Variants in GRM7 observed in about 807,000 individuals in gnomAD.
The protein encoded by GRM7 is metabotropic glutamate receptor 7.
Under a neutral mutation model 84.5 loss-of-function variants are expected in GRM7, and 35 were observed. That is an observed-to-expected ratio of 0.41 (90% CI 0.32 to 0.55). The LOEUF (loss-of-function observed/expected upper bound fraction) is 0.55, where lower values mean the gene tolerates loss of function less well. Among genes scored for constraint, GRM7 ranks in the 20% least tolerant of loss-of-function variants. The probability of loss-of-function intolerance (pLI) is 0.19; values close to 1 mark genes in which losing one functional copy is unlikely to be tolerated. For missense variants in GRM7, 1,003 were observed against 1,194.6 expected, an observed-to-expected ratio of 0.84 and a Z score of 2.36; for synonymous variants, 487 against 455.1, an observed-to-expected ratio of 1.07 and a Z score of -0.89.
rs571904956 is a variant in GRM7 at position 7,387,805 on chromosome 3, T to A, written c.1034-27218T>A. ...GGTTTTATATGAATTTTAGGATAGTTTTTTTCCTAATTCTGTGAAAAATGA... is the reference window on the plus strand; with the variant it reads ...GGTTTTATATGAATTTTAGGATAGTATTTTTCCTAATTCTGTGAAAAATGA... On this transcript the variant is annotated intron_variant, in intron 4 of 9. Transcript: ENST00000357716. Among the ~76,000 whole-genome samples the A allele has an allele frequency of 1.8e-4, 27 of 151,900 alleles. No individual in the cohort carries two copies. In the East Asian group the frequency reaches 5.0e-3, roughly 28 times the overall value.
At position 7,156,442 on chromosome 3, in the gene GRM7, G is replaced by A. The variant is rs549781091; in HGVS notation, c.736+9774G>A. ...CCTTAGATGACTGCACTTAGATAGA[G>A]TAATGGCTTTGGGTGGCAACCGGAT... On this transcript the variant is annotated intron_variant, in intron 2 of 9. Transcript: ENST00000357716. Among the ~76,000 whole-genome samples the A allele has an allele frequency of 3.3e-5, 5 of 152,280 alleles. No individual in the cohort carries two copies. In the South Asian group the frequency reaches 1.0e-3, roughly 32 times the overall value.
At chr3:7,732,299 C>T (rs1287299669) in intron 9 of GRM7, among the ~76,000 whole-genome samples, 1 of 152,166 alleles carries the variant, frequency 6.6e-6, no homozygotes, top group Non-Finnish European at 1.5e-5. Context: ...ACATTGCACA[C>T]TTCCCAAGCA....
At chr3:7,160,541 C>G (rs1239902327) in intron 2 of GRM7, among the ~76,000 whole-genome samples, 2 of 152,026 alleles carry the variant, frequency 1.3e-5, no homozygotes, top group African/African-American at 4.8e-5. Flanking sequence ...TTTTTAAGGG[C>G]CTCAGTTTGC....
intron 4 of GRM7, among the ~76,000 whole-genome samples, chr3:7,377,903 G>T (rs1238777327): frequency 6.6e-6 from 1 of 152,138 alleles, no homozygotes; most frequent in Non-Finnish European, 1.5e-5. Flanking sequence ...TTTGCAAAAA[G>T]ATCCCTGATC....
At chr3:7,045,918 A>G (rs1197949388) in intron 1 of GRM7, among the ~76,000 whole-genome samples, 2 of 152,138 alleles carry the variant, frequency 1.3e-5, no homozygotes, top group East Asian at 1.9e-4. Context: ...GCTGGATCAC[A>G]TGATAGTTCT....
At chr3:7,296,666 C>T (rs7640834) in intron 2 of GRM7, among the ~76,000 whole-genome samples, 99,484 of 151,936 alleles carry the variant, frequency 0.65, 33,962 homozygotes, top group African/African-American at 0.86. Flanking sequence ...GTAGAGTTAT[C>T]ACTAATATCC....
intron 2 of GRM7, among the ~76,000 whole-genome samples, chr3:7,214,650 T>C (rs1267292517): frequency 6.6e-6 from 1 of 152,256 alleles, no homozygotes; most frequent in Non-Finnish European, 1.5e-5. Flanking sequence ...GAACAAATGT[T>C]TGTTTTATCT....
intron 1 of GRM7, among the ~76,000 whole-genome samples, chr3:6,934,264 G>A (rs1697608534): frequency 6.6e-6 from 1 of 152,076 alleles, no homozygotes; most frequent in South Asian, 2.1e-4. Context: ...AAGAAAATCT[G>A]TTTACTAGGA....
chr3:6,996,625 A>G (rs1694839090), intron 1 of GRM7, among the ~76,000 whole-genome samples: 1 of 152,112 alleles, frequency 6.6e-6, no homozygotes, highest in Admixed American at 6.6e-5. Context: ...AAATGACCCA[A>G]CTTCTCCCAT....
At position 7,378,011 on chromosome 3, in the gene GRM7, C is replaced by T. The variant is rs143954596; in HGVS notation, c.1034-37012C>T. The stretch of plus-strand genomic sequence containing the variant: ...AATGTAGTCACCAACATCTGTCCCC[C>T]GCTAGGAAGTCTCCCTGACCCCATC... On this transcript the variant is annotated intron_variant, in intron 4 of 9. Coordinates refer to ENST00000357716, the MANE Select transcript of GRM7 (RefSeq NM_000844.4). Among the ~76,000 whole-genome samples the T allele has an allele frequency of 7.0e-3, 1,070 of 152,232 alleles. 7 individuals are homozygous for T. Among genetic ancestry groups the T allele is most frequent in the Non-Finnish European group, 0.011 (727 of 68,020 alleles).
At position 7,476,870 on chromosome 3, in the gene GRM7, G is replaced by A. The variant is rs2124931121; in HGVS notation, c.1515+15148G>A. 1.3e-5 allele frequency among the ~76,000 whole-genome samples: 2 copies of A among 152,270 alleles called. 1 individual carries two copies. The highest frequency in any genetic ancestry group is 4.1e-4 in the South Asian group (2 of 4,830). On this transcript the variant is annotated intron_variant, in intron 7 of 9. Coordinates refer to ENST00000357716, the MANE Select transcript of GRM7 (RefSeq NM_000844.4). ...GTGTCTTGTACACACCATCTGAAATGCAATATTCCACCACCAAACTGAATA... is the reference window on the plus strand; with the variant it reads ...GTGTCTTGTACACACCATCTGAAATACAATATTCCACCACCAAACTGAATA...
intron 1 of GRM7, among the ~76,000 whole-genome samples, chr3:7,033,634 G>A (rs1315383068): frequency 1.3e-5 from 2 of 151,976 alleles, no homozygotes; most frequent in South Asian, 2.1e-4. Context: ...CCTTTTTATG[G>A]TCAAACTAAT....
intron 2 of GRM7, among the ~76,000 whole-genome samples, chr3:7,210,701 C>T (rs537852274): frequency 6.6e-6 from 1 of 152,182 alleles, no homozygotes; most frequent in East Asian, 1.9e-4. Context: ...GCCAAGAAAG[C>T]CTCTGTGACT....
At chr3:7,131,898 C>T (rs1693614317) in intron 1 of GRM7, among the ~76,000 whole-genome samples, 1 of 152,210 alleles carries the variant, frequency 6.6e-6, no homozygotes, top group Admixed American at 6.5e-5. Flanking sequence ...ACATCATTTT[C>T]TCCAGCTGTA....
At chr3:7,222,786 T>A (rs6414459) in intron 2 of GRM7, among the ~76,000 whole-genome samples, 94,242 of 152,128 alleles carry the variant, frequency 0.62, 29,780 homozygotes, top group African/African-American at 0.74. Flanking sequence ...TGTTGGTTTA[T>A]TCTTGAGATT....
At chr3:7,158,213 G>C in intron 2 of GRM7, among the ~76,000 whole-genome samples, 1 of 150,268 alleles carries the variant, frequency 6.7e-6, no homozygotes, top group African/African-American at 2.5e-5. Flanking sequence ...TTACTATTCT[G>C]TCATAAAACA....
At chr3:7,334,767 G>C (rs1047785594) in intron 4 of GRM7, among the ~76,000 whole-genome samples, 1 of 152,026 alleles carries the variant, frequency 6.6e-6, no homozygotes, top group African/African-American at 2.4e-5. Context: ...AGCAGAAGTA[G>C]CTATTCTTAT....
At position 7,134,705 on chromosome 3, in the gene GRM7, G is replaced by C. The variant is rs560824410; in HGVS notation, c.520-11747G>C. Among the ~76,000 whole-genome samples, 34 of 152,148 alleles carry C rather than the reference G, an allele frequency of 2.2e-4. No homozygotes were observed. In the South Asian group the frequency reaches 6.8e-3, roughly 31 times the overall value. On this transcript the variant is annotated intron_variant, in intron 1 of 9. Coordinates refer to ENST00000357716, the MANE Select transcript of GRM7 (RefSeq NM_000844.4). The stretch of plus-strand genomic sequence containing the variant: ...CAGGAATTCAGGGATGAGAAAAGGT[G>C]GTTCCTCAGGCAAATCTGGGAACTG...
chr3:6,956,416 G>T (rs1276093523), intron 1 of GRM7, among the ~76,000 whole-genome samples: 1 of 152,170 alleles, frequency 6.6e-6, no homozygotes, highest in Non-Finnish European at 1.5e-5. Context: ...GAGAAGCCCT[G>T]CTCCTCTCAG....
Sources: gnomAD v4.1 joint callset for allele counts (sites outside exome capture counted in the v4.1 genomes callset) on GRCh38, gnomAD v4.1.1 for gene constraint, MANE v1.5 for transcripts, NCBI Gene and HGNC (gene_info 2026-07-23, HGNC 2026-07-21) for gene names.